CTNNA3: variants seen among roughly 807,000 people sequenced by gnomAD.
CTNNA3 encodes catenin alpha-3.
CTNNA3 carries 76 observed loss-of-function variants against 95.7 expected under a neutral mutation model. The observed-to-expected ratio is 0.79, with a 90% confidence interval of 0.66 to 0.96. The LOEUF (loss-of-function observed/expected upper bound fraction) is 0.96, where lower values mean the gene tolerates loss of function less well. CTNNA3 is among the 40% of genes least tolerant of loss of function. CTNNA3 has a pLI of 0.00. For synonymous variants in CTNNA3, 431 were observed against 374.4 expected (o/e 1.15, Z -1.74); for missense variants, 1,191 against 1,089.8 (o/e 1.09, Z -1.31).
chr10:67,069,755 T>C (rs1002789156), intron 7 of CTNNA3, among the ~76,000 whole-genome samples: 1 of 152,198 alleles, frequency 6.6e-6, no homozygotes, highest in Non-Finnish European at 1.5e-5. Context: ...ACATGGCTGA[T>C]ATTCATTCAC....
chr10:67,193,612 C>A (rs10762147), intron 6 of CTNNA3, among the ~76,000 whole-genome samples: 1 of 151,732 alleles, frequency 6.6e-6, no homozygotes, highest in Non-Finnish European at 1.5e-5. Context: ...TGTTACTGCT[C>A]CAGTTTGCTT....
At chr10:67,129,672 T>G (rs935236087) in intron 7 of CTNNA3, among the ~76,000 whole-genome samples, 6 of 152,188 alleles carry the variant, frequency 3.9e-5, no homozygotes, top group Non-Finnish European at 8.8e-5. Context: ...TTTCACCATT[T>G]ACGTTTCTTT....
At chr10:66,906,067 A>G (rs1845976135) in intron 7 of CTNNA3, among the ~76,000 whole-genome samples, 1 of 152,198 alleles carries the variant, frequency 6.6e-6, no homozygotes. Flanking sequence ...GAATATTACT[A>G]TTTTACAATC....
At chr10:66,645,085 T>G (rs1845659764) in intron 9 of CTNNA3, among the ~76,000 whole-genome samples, 2 of 152,184 alleles carry the variant, frequency 1.3e-5, no homozygotes, top group South Asian at 4.1e-4. Context: ...TATCAACAGT[T>G]TATTCCTTTT....
chr10:66,335,477 G>T (rs1039349837), intron 12 of CTNNA3, among the ~76,000 whole-genome samples: 5 of 152,104 alleles, frequency 3.3e-5, no homozygotes, highest in Admixed American at 3.3e-4. Context: ...AGATCTGTTG[G>T]AGTTTGCTGG....
chr10:67,255,318 A>AAATAAATT (rs1866301791), intron 5 of CTNNA3, among the ~76,000 whole-genome samples: 1 of 148,752 alleles, frequency 6.7e-6, no homozygotes, highest in Non-Finnish European at 1.5e-5. Flanking sequence ...ATAAATAAAT[A>AAATAAATT]AATTAATTAA....
At chr10:67,645,938 T>C (rs992397595) in intron 2 of CTNNA3, among the ~76,000 whole-genome samples, 13 of 146,312 alleles carry the variant, frequency 8.9e-5, no homozygotes, top group African/African-American at 3.0e-4. Context: ...ATATATATTC[T>C]TCATATATAT....
At chr10:67,001,655 A>G (rs1443367759) in intron 7 of CTNNA3, among the ~76,000 whole-genome samples, 1 of 152,212 alleles carries the variant, frequency 6.6e-6, no homozygotes, top group African/African-American at 2.4e-5. Context: ...GAAAGTTACC[A>G]CAAGACAACT....
intron 7 of CTNNA3, among the ~76,000 whole-genome samples, chr10:66,789,218 T>C (rs1391283859): frequency 2.0e-5 from 3 of 152,122 alleles, no homozygotes; most frequent in Non-Finnish European, 4.4e-5. Flanking sequence ...CTCTTCTCGC[T>C]GAGGCTGGAG....
At chr10:66,771,400 A>G (rs1244908486) in intron 8 of CTNNA3, among the ~76,000 whole-genome samples, 1 of 152,212 alleles carries the variant, frequency 6.6e-6, no homozygotes, top group Non-Finnish European at 1.5e-5. Context: ...GAGAGTTGCA[A>G]TAGGTATACA....
intron 11 of CTNNA3, among the ~76,000 whole-genome samples, chr10:66,477,293 T>C (rs1839361290): frequency 6.6e-6 from 1 of 152,104 alleles, no homozygotes; most frequent in Non-Finnish European, 1.5e-5. Flanking sequence ...GAAATCTTGT[T>C]TGTATTTGGG....
intron 13 of CTNNA3, among the ~76,000 whole-genome samples, chr10:66,184,194 G>A (rs1225668361): frequency 6.6e-6 from 1 of 152,084 alleles, no homozygotes; most frequent in East Asian, 1.9e-4. Flanking sequence ...AGCTACTCAG[G>A]AGGCTGAGGC....
intron 5 of CTNNA3, 117 bp downstream of exon 5, chr10:67,521,725 A>T (rs2133158862): frequency 7.8e-7 from 1 of 1,289,808 alleles, no homozygotes; most frequent in Non-Finnish European, 1.1e-6. Context: ...CACAACCTGT[A>T]TCTGCTCTAA....
chr10:66,012,211 C>T (rs535652337), intron 15 of CTNNA3, among the ~76,000 whole-genome samples: 3 of 151,998 alleles, frequency 2.0e-5, no homozygotes, highest in South Asian at 4.2e-4. Flanking sequence ...AACAAATGAA[C>T]ATGTAAACAA....
intron 7 of CTNNA3, among the ~76,000 whole-genome samples, chr10:66,960,311 T>C (rs1340950725): frequency 1.3e-5 from 2 of 152,134 alleles, no homozygotes; most frequent in Non-Finnish European, 2.9e-5. Flanking sequence ...TTTTTGCATT[T>C]CTATATCACT....
rs193178953 is a variant in CTNNA3 at position 66,701,789 on chromosome 10, T to C, written c.1281+64475A>G. ...CACTTGGAATCAGAAGTGTTTCTGA[T>C]TTTGTTTTTTAATTTTGGAATGTTT... On this transcript the variant is annotated intron_variant, in intron 9 of 17. Transcript: ENST00000433211. Among the ~76,000 whole-genome samples, 35 of 152,262 alleles carry C rather than the reference T, an allele frequency of 2.3e-4. 1 individual carries two copies. The highest frequency in any genetic ancestry group is 2.1e-3 in the Admixed American group (32 of 15,290).
intron 1 of CTNNA3, among the ~76,000 whole-genome samples, chr10:67,661,359 G>T (rs945338376): frequency 2.0e-5 from 3 of 151,934 alleles, no homozygotes; most frequent in African/African-American, 4.8e-5. Flanking sequence ...AGGGAGGAAG[G>T]GAGGCAGGGA....
At chr10:67,195,457 T>C (rs1197285609) in intron 6 of CTNNA3, among the ~76,000 whole-genome samples, 1 of 143,322 alleles carries the variant, frequency 7.0e-6, no homozygotes, top group Non-Finnish European at 1.5e-5. Context: ...AATCTACACC[T>C]ACCATACAGG....
chr10:66,621,308 C>G lies in CTNNA3; in HGVS notation c.1374+384G>C, dbSNP rs192920945. ...TCTCTTTTTAAGAATCGCCTTAGGA[C>G]AATTCTGTCTTCCATGCTTCAAATA... is the stretch of plus-strand genomic sequence containing the variant. On this transcript the variant is annotated intron_variant, in intron 10 of 17. Transcript: ENST00000433211. Among the ~76,000 whole-genome samples the G allele has an allele frequency of 9.2e-3, 1,393 of 152,134 alleles. 14 individuals carry two copies. Among genetic ancestry groups the G allele is most frequent in the Non-Finnish European group, 0.016 (1,060 of 68,000 alleles).
Sources: allele counts gnomAD v4.1 joint callset (sites outside exome capture counted in the v4.1 genomes callset), GRCh38; gene constraint gnomAD v4.1.1; transcripts MANE v1.5; gene names NCBI Gene and HGNC (gene_info 2026-07-23, HGNC 2026-07-21).